The following PMEPA1 variants were observed in gnomAD, a reference collection of about 807,000 sequenced individuals.
PMEPA1 encodes the protein prostate transmembrane protein, androgen induced 1, also known as protein TMEPAI.
A neutral mutation model predicts 23.0 loss-of-function variants in PMEPA1; 11 were observed. The ratio of observed to expected loss-of-function variants is 0.48; its 90% CI spans 0.30 to 0.79. The LOEUF (loss-of-function observed/expected upper bound fraction) is 0.79. PMEPA1 is among the 30% of genes least tolerant of loss of function. PMEPA1 has a pLI of 0.06. For synonymous variants in PMEPA1, 204 were observed against 166.4 expected, an observed-to-expected ratio of 1.23 and a Z score of -1.74; for missense variants, 377 against 390.9, an observed-to-expected ratio of 0.96 and a Z score of 0.30.
chr20:57,680,463 G>T (rs1295894948), intron 1 of PMEPA1, among the ~76,000 whole-genome samples: 1 of 152,230 alleles, frequency 6.6e-6, no homozygotes, highest in Non-Finnish European at 1.5e-5. Context: ...CATCCACCCT[G>T]CCACGCACAG....
intron 1 of PMEPA1, among the ~76,000 whole-genome samples, chr20:57,692,428 C>T (rs1044122656): frequency 6.6e-6 from 1 of 152,332 alleles, no homozygotes. Flanking sequence ...ACTCACAGGG[C>T]GGCCCAGACA....
intron 1 of PMEPA1, among the ~76,000 whole-genome samples, chr20:57,701,851 G>A (rs2072015833): frequency 6.6e-6 from 1 of 152,146 alleles, no homozygotes; most frequent in African/African-American, 2.4e-5. Flanking sequence ...CAACGCACAT[G>A]AGACTCCTAC....
chr20:57,674,588 C>A (rs1314367448), intron 1 of PMEPA1, among the ~76,000 whole-genome samples: 2 of 152,250 alleles, frequency 1.3e-5, no homozygotes, highest in Admixed American at 6.5e-5. Flanking sequence ...ATCCCAGCTA[C>A]ACCCCTTTGG....
chr20:57,671,861 G>GA (rs2071572598), intron 1 of PMEPA1, among the ~76,000 whole-genome samples: 1 of 152,236 alleles, frequency 6.6e-6, no homozygotes, highest in South Asian at 2.1e-4. Flanking sequence ...TGTCTCCAGG[G>GA]ATTGCCAAAC....
upstream of PMEPA1, chr20:57,710,362 C>T (rs2072160084): frequency 1.5e-6 from 2 of 1,301,788 alleles, no homozygotes; most frequent in Admixed American, 4.9e-5. Context: ...TTGACCCAGG[C>T]TCTTGGGGCT....
intron 1 of PMEPA1, among the ~76,000 whole-genome samples, chr20:57,676,981 C>G (rs1172231181): frequency 6.6e-6 from 1 of 152,244 alleles, no homozygotes; most frequent in East Asian, 1.9e-4. Flanking sequence ...GAGGCCCACC[C>G]CACCTCACCA....
At chr20:57,684,759 TTTTA>T (rs1007146359) in intron 1 of PMEPA1, among the ~76,000 whole-genome samples, 61 of 152,148 alleles carry the variant, frequency 4.0e-4, no homozygotes, top group African/African-American at 1.3e-3. Flanking sequence ...ACCTCTGGTG[TTTTA>T]TTTGTCTAGG....
rs33918233 is a variant in PMEPA1 at position 57,682,658 on chromosome 20, TA to T, written c.110-22962del. ...ACCCACACTCCTCCAGTTTTTGATT[TA>T]AAAAAAATCCCTGAAACAGCACCCA... On this transcript the variant is annotated intron_variant, in intron 1 of 3. Coordinates refer to ENST00000341744, the MANE Select transcript of PMEPA1 (RefSeq NM_020182.5). This position sits in a 1 kb window ranked among gnomAD's most constrained non-coding sequence, Gnocchi z 4.4. Among the ~76,000 whole-genome samples, 2 of 151,712 alleles carry T rather than the reference TA, an allele frequency of 1.3e-5. No individual in the cohort carries two copies. Among genetic ancestry groups the T allele is most frequent in the Non-Finnish European group, 2.9e-5 (2 of 67,954 alleles).
intron 1 of PMEPA1, among the ~76,000 whole-genome samples, chr20:57,691,613 C>T (rs146848152): frequency 2.0e-5 from 3 of 152,252 alleles, no homozygotes; most frequent in South Asian, 2.1e-4. Flanking sequence ...CGTTTTCCCC[C>T]GAAGAAAATC....
intron 1 of PMEPA1, among the ~76,000 whole-genome samples, chr20:57,676,326 T>C (rs1376068517): frequency 6.6e-6 from 1 of 152,140 alleles, no homozygotes; most frequent in Admixed American, 6.5e-5. Flanking sequence ...AACAGGGACA[T>C]AGGTACTAGC....
In PMEPA1 at chr20:57,656,884, G is replaced by A. The variant is rs528791468; in HGVS notation, c.264+2659C>T. On this transcript the variant is annotated intron_variant, in intron 2 of 3. Transcript: ENST00000341744. This position sits in a 1 kb window ranked among gnomAD's most constrained non-coding sequence, Gnocchi z 4.7. ...ACTGGGCCCGGGACAGATAAGAGCT[G>A]TATGTGGATCTCTATGGAAGGCCGC... 6.6e-6 allele frequency among the ~76,000 whole-genome samples: 1 copy of A among 152,338 alleles called. No individual in the cohort carries two copies. Among genetic ancestry groups the A allele is most frequent in the African/African-American group, 2.4e-5 (1 of 41,598 alleles).
intron 1 of PMEPA1, among the ~76,000 whole-genome samples, chr20:57,703,864 A>G (rs1373541074): frequency 6.6e-6 from 1 of 152,152 alleles, no homozygotes; most frequent in Non-Finnish European, 1.5e-5. Context: ...GCTGCTCCAG[A>G]CACTAGGCCA....
chr20:57,699,267 G>A (rs1305044900), intron 1 of PMEPA1, among the ~76,000 whole-genome samples: 1 of 152,188 alleles, frequency 6.6e-6, no homozygotes, highest in Non-Finnish European at 1.5e-5. Flanking sequence ...ACACTCTCGG[G>A]CAGCCATCCT....
At chr20:57,680,272 C>A (rs1363053388) in intron 1 of PMEPA1, among the ~76,000 whole-genome samples, 3 of 152,228 alleles carry the variant, frequency 2.0e-5, no homozygotes, top group Non-Finnish European at 4.4e-5. Flanking sequence ...CCCGTCAACA[C>A]CCGCATTCTG....
chr20:57,698,193 T>TGCA (rs2071966800), intron 1 of PMEPA1, among the ~76,000 whole-genome samples: 3 of 152,122 alleles, frequency 2.0e-5, no homozygotes, highest in African/African-American at 7.2e-5. Context: ...TGAGCTGCGA[T>TGCA]CTATCCTAAC....
intron 2 of PMEPA1, among the ~76,000 whole-genome samples, chr20:57,653,617 T>G (rs556138141): frequency 3.9e-5 from 6 of 152,352 alleles, no homozygotes; most frequent in African/African-American, 9.6e-5. Context: ...GGAGCCCACG[T>G]GGCACTCAGG....
chr20:57,677,514 G>A (rs1346057919), intron 1 of PMEPA1, among the ~76,000 whole-genome samples: 1 of 152,174 alleles, frequency 6.6e-6, no homozygotes, highest in Non-Finnish European at 1.5e-5. Context: ...CGATTAACAT[G>A]TGAAAGAGGA....
Position 57,709,483 on chromosome 20 carries a change from T to C in PMEPA1, c.100A>G (p.Met34Val). The change falls in exon 1 of 4, where the codon ATG becomes GTG. Residue 34 changes from methionine (M) to valine (V), a missense_variant. Physicochemically the swap from Met to Val is conservative, Grantham distance 21. Around this residue, in one of 3 missense-constraint regions of PMEPA1, gnomAD observed 198 missense variants for 196.3 expected, o/e 1.01. Coordinates refer to ENST00000341744, the MANE Select transcript of PMEPA1 (RefSeq NM_020182.5). ...CNCKRSLFQSMEITELEFVQI... is the reference protein window; with the variant it reads ...CNCKRSLFQSVEITELEFVQI... ...GCGTGGGGTCACTCACTGATCTCCA[T>C]GCTCTGGAACAAAGAGCGTTTGCAG... 8.8e-7 allele frequency: 1 copy of C among 1,135,738 alleles called. No individual in the cohort carries two copies. The highest frequency in any genetic ancestry group is 1.1e-6 in the Non-Finnish European group (1 of 907,974). 70.4% of individuals were successfully genotyped at this position (1,135,738 alleles called of 1,614,324 possible). A position where few individuals can be genotyped will look rare whatever the true frequency, so the allele number is the denominator to read the frequency against.
intron 1 of PMEPA1, among the ~76,000 whole-genome samples, chr20:57,672,962 G>A (rs1195894995): frequency 6.6e-6 from 1 of 152,198 alleles, no homozygotes; most frequent in Non-Finnish European, 1.5e-5. Flanking sequence ...CTGTGTGGAT[G>A]CAGTGGAGTG....
Sources: allele counts gnomAD v4.1 joint callset (sites outside exome capture counted in the v4.1 genomes callset), GRCh38; gene constraint gnomAD v4.1.1; regional missense constraint gnomAD v4.1.1; non-coding constraint Gnocchi (gnomAD v3.1); transcripts MANE v1.5; gene names NCBI Gene and HGNC (gene_info 2026-07-23, HGNC 2026-07-21).